DACH2: variants seen among roughly 807,000 people sequenced by gnomAD.
DACH2 encodes dachshund family transcription factor 2, also known as dachshund homolog 2.
DACH2 carries 17 observed loss-of-function variants against 35.8 expected under a neutral mutation model. That is an observed-to-expected ratio of 0.48 (90% confidence interval 0.33 to 0.71). The LOEUF is 0.71. Among genes scored for constraint, DACH2 ranks in the 30% least tolerant of loss-of-function variants. DACH2 has a pLI of 0.02. For synonymous variants in DACH2, 195 were observed against 177.3 expected (o/e 1.10, Z -0.79); for missense variants, 469 against 472.7 (o/e 0.99, Z 0.07).
At chrX:86,686,914 A>T (rs1316512499) in intron 4 of DACH2, among the ~76,000 whole-genome samples, 1 of 112,090 alleles carries the variant, frequency 8.9e-6, no homozygotes, top group East Asian at 2.8e-4. Flanking sequence ...GCACTCAGGG[A>T]ATACTTACAT....
intron 2 of DACH2, among the ~76,000 whole-genome samples, chrX:86,461,293 A>G (rs2037567740): frequency 9.0e-6 from 1 of 111,556 alleles, no homozygotes; most frequent in Non-Finnish European, 1.9e-5. Context: ...AATCATAATT[A>G]TTTAATTATT....
chrX:86,714,785 A>G, intron 6 of DACH2, 65 bp downstream of exon 6: 1 of 972,934 alleles, frequency 1.0e-6, no homozygotes, highest in Non-Finnish European at 1.4e-6. Context: ...TAAAATATTT[A>G]CAATCCCACT....
intron 5 of DACH2, among the ~76,000 whole-genome samples, chrX:86,711,317 C>T (rs1011777142): frequency 4.5e-5 from 5 of 110,272 alleles, no homozygotes; most frequent in African/African-American, 6.6e-5. Flanking sequence ...GCGGAGGTTG[C>T]GTGAGCCGAG....
intron 1 of DACH2, among the ~76,000 whole-genome samples, chrX:86,211,444 A>G (rs888130734): frequency 2.7e-5 from 3 of 111,694 alleles, no homozygotes; most frequent in African/African-American, 6.5e-5. Context: ...GATGTCAAGC[A>G]TAGCTGGCTC....
intron 3 of DACH2, among the ~76,000 whole-genome samples, chrX:86,546,404 C>CTTCTTCTT (rs774988785): frequency 3.2e-4 from 7 of 21,669 alleles, no homozygotes; most frequent in Admixed American, 6.8e-4. Flanking sequence ...TCTTCTTCTT[C>CTTCTTCTT]CTTCTTCTTC....
Position 86,716,581 on chromosome X carries a change from G to A in DACH2, c.1104+1861G>A, listed in dbSNP as rs990668969. Among the ~76,000 whole-genome samples the A allele has an allele frequency of 9.9e-5, 11 of 111,331 alleles. No homozygotes were observed. The Middle Eastern group carries it at 0.014, about 143-fold the overall frequency. On this transcript the variant is annotated intron_variant, in intron 6 of 11. Coordinates refer to ENST00000373125, the MANE Select transcript of DACH2 (RefSeq NM_053281.3). ...TTCAAAGTAATGGTATTGTTATACT[G>A]GCTTTGGAATGATGGAAGAGTACTC...
intron 1 of DACH2, among the ~76,000 whole-genome samples, chrX:86,270,845 G>A (rs2033802990): frequency 8.9e-6 from 1 of 111,883 alleles, no homozygotes; most frequent in African/African-American, 3.2e-5. Context: ...TTATGTGAGT[G>A]AATGCAGATA....
chrX:86,289,150 T>C (rs932644172), intron 1 of DACH2, among the ~76,000 whole-genome samples: 1 of 109,151 alleles, frequency 9.2e-6, no homozygotes, highest in African/African-American at 3.3e-5. Flanking sequence ...GTTTCCCTTA[T>C]GGCCCAGGAT....
chrX:86,776,349 A>T (rs2042031818), intron 7 of DACH2, among the ~76,000 whole-genome samples: 1 of 111,502 alleles, frequency 9.0e-6, no homozygotes, highest in South Asian at 3.7e-4. Flanking sequence ...CACCAATCTC[A>T]TCTGAAGCTA....
At chrX:86,556,829 G>GAGAGAGAA (rs747040901) in intron 3 of DACH2, among the ~76,000 whole-genome samples, 1 of 79,370 alleles carries the variant, frequency 1.3e-5, no homozygotes, top group African/African-American at 4.3e-5. Flanking sequence ...GAGAGAGAGA[G>GAGAGAGAA]AAGAAGAAAT....
At chrX:86,170,778 C>T (rs977401836) in intron 1 of DACH2, among the ~76,000 whole-genome samples, 7 of 112,369 alleles carry the variant, frequency 6.2e-5, no homozygotes, top group African/African-American at 2.3e-4. Context: ...AAGCATGCGC[C>T]TGTGACACAG....
At chrX:86,726,974 T>C (rs1038866618) in intron 6 of DACH2, among the ~76,000 whole-genome samples, 5 of 112,282 alleles carry the variant, frequency 4.5e-5, no homozygotes, top group Non-Finnish European at 9.4e-5. Context: ...GAATATCTAC[T>C]CACTGTTCTT....
chrX:86,421,092 A>G (rs765836456), intron 2 of DACH2, among the ~76,000 whole-genome samples: 3 of 111,896 alleles, frequency 2.7e-5, no homozygotes, highest in Non-Finnish European at 5.7e-5. Context: ...ACAAAAGCAC[A>G]CAATACTTTT....
chrX:86,355,803 A>G (rs1432162382), intron 1 of DACH2, among the ~76,000 whole-genome samples: 1 of 111,475 alleles, frequency 9.0e-6, no homozygotes, highest in Non-Finnish European at 1.9e-5. Context: ...ATTTTTTCAT[A>G]TGCTTGTTGG....
intron 1 of DACH2, among the ~76,000 whole-genome samples, chrX:86,289,847 G>A (rs1361362966): frequency 9.2e-6 from 1 of 109,160 alleles, no homozygotes; most frequent in Admixed American, 9.8e-5. Context: ...TTGGTTCCAA[G>A]TCTTTGTTAT....
At chrX:86,523,104 T>C (rs763982050) in intron 3 of DACH2, among the ~76,000 whole-genome samples, 1 of 112,149 alleles carries the variant, frequency 8.9e-6, no homozygotes, top group South Asian at 3.7e-4. Context: ...GTTTGTTTAT[T>C]CTAGCTATAT....
At chrX:86,506,928 G>A (rs775464336) in intron 2 of DACH2, among the ~76,000 whole-genome samples, 2 of 111,865 alleles carry the variant, frequency 1.8e-5, no homozygotes, top group East Asian at 5.6e-4. Flanking sequence ...CTGCAACTGG[G>A]ATTAGAACTC....
intron 1 of DACH2, among the ~76,000 whole-genome samples, chrX:86,205,631 G>A (rs1307798613): frequency 9.7e-6 from 1 of 103,495 alleles, no homozygotes; most frequent in East Asian, 3.1e-4. Flanking sequence ...CATGATCATA[G>A]CTCACTACAA....
intron 3 of DACH2, among the ~76,000 whole-genome samples, chrX:86,593,633 A>T (rs1441584321): frequency 1.8e-5 from 2 of 108,459 alleles, no homozygotes; most frequent in Non-Finnish European, 3.8e-5. Context: ...CACCATGTTG[A>T]CCAGGCTGAT....
Sources: allele counts gnomAD v4.1 joint callset (sites outside exome capture counted in the v4.1 genomes callset), GRCh38; gene constraint gnomAD v4.1.1; transcripts MANE v1.5; gene names NCBI Gene and HGNC (gene_info 2026-07-23, HGNC 2026-07-21).